ARHGAP21: variants seen among roughly 807,000 people sequenced by gnomAD.
ARHGAP21 encodes rho GTPase-activating protein 21.
A neutral mutation model predicts 164.6 loss-of-function variants in ARHGAP21; 38 were observed. That is an observed-to-expected ratio of 0.23 (90% CI 0.18 to 0.30). The LOEUF is 0.30. ARHGAP21 is among the 10% of genes least tolerant of loss of function. The probability of loss-of-function intolerance (pLI) is 1.00; values close to 1 mark genes in which losing one functional copy is unlikely to be tolerated. For synonymous variants in ARHGAP21, 766 were observed against 857.9 expected (o/e 0.89, Z 1.87); for missense variants, 1,822 against 2,370.7 (o/e 0.77, Z 4.81).
chr10:24,642,638 C>T (rs1269839479), intron 4 of ARHGAP21, among the ~76,000 whole-genome samples: 2 of 151,970 alleles, frequency 1.3e-5, no homozygotes, highest in African/African-American at 4.8e-5. Context: ...TTTTCATCTT[C>T]CTAAATACCT....
chr10:24,686,546 C>T (rs2131951549), intron 2 of ARHGAP21, among the ~76,000 whole-genome samples: 1 of 152,270 alleles, frequency 6.6e-6, no homozygotes, highest in Admixed American at 6.5e-5. Flanking sequence ...AAAGTCATGA[C>T]TGTGAACATT....
chr10:24,659,843 T>G (rs1839492762), intron 4 of ARHGAP21, among the ~76,000 whole-genome samples: 2 of 152,194 alleles, frequency 1.3e-5, no homozygotes, highest in African/African-American at 4.8e-5. Flanking sequence ...GGTAGAAACT[T>G]AGAGACTGCC....
intron 12 of ARHGAP21, among the ~76,000 whole-genome samples, 167 bp from the exon 13 acceptor site, chr10:24,602,270 T>A (rs971317295): frequency 2.0e-5 from 3 of 152,208 alleles, no homozygotes; most frequent in African/African-American, 7.2e-5. Context: ...ATTTAAAAAA[T>A]GTGAATTATC....
At chr10:24,629,728 G>A (rs566170054) in intron 7 of ARHGAP21, 2 of 471,904 alleles carry the variant, frequency 4.2e-6, no homozygotes, top group South Asian at 3.9e-5. Flanking sequence ...GGCAACACTA[G>A]GACAAACTCT....
chr10:24,620,980 C>G lies in ARHGAP21; in HGVS notation c.915G>C (p.Val305=). 1.2e-6 allele frequency: 2 copies of G among 1,613,976 alleles called. No individual in the cohort carries two copies. Among genetic ancestry groups the G allele is most frequent in the South Asian group, 2.2e-5 (2 of 91,070 alleles). The change falls in exon 9 of 26, where the codon GTG becomes GTC. Residue 305 remains valine, a synonymous_variant. Transcript: ENST00000396432. Reference sequence around the variant, plus strand: ...CTGTTTTTAAAGAGGTCTGCTCACTCACGCCATACCTCACTTCTTCAGTTC... The same window carrying G: ...CTGTTTTTAAAGAGGTCTGCTCACTGACGCCATACCTCACTTCTTCAGTTC... ...SHRTEEVRYG[V]SEQTSLKTVS...
At chr10:24,645,235 A>G (rs1055098294) in intron 4 of ARHGAP21, among the ~76,000 whole-genome samples, 16 of 152,092 alleles carry the variant, frequency 1.1e-4, no homozygotes, top group Non-Finnish European at 5.9e-5. Flanking sequence ...TCTGTTAACA[A>G]CCCAATGGAC....
chr10:24,655,948 G>A lies in ARHGAP21; in HGVS notation c.268+11037C>T, dbSNP rs1342255989. Among the ~76,000 whole-genome samples the A allele has an allele frequency of 2.3e-3, 245 of 106,430 alleles. 11 individuals are homozygous for A. Among genetic ancestry groups the A allele is most frequent in the African/African-American group, 9.6e-3 (229 of 23,804 alleles). The allele number at this position is 106,430 out of a possible 152,430, so 69.8% of individuals were successfully genotyped here. ...AGGAGCGTCTCTGCCCGGCCACCCCGTCTGAGAAGTGAGGAGACCCTCTGC... is the reference window on the plus strand; with the variant it reads ...AGGAGCGTCTCTGCCCGGCCACCCCATCTGAGAAGTGAGGAGACCCTCTGC... On this transcript the variant is annotated intron_variant, in intron 4 of 25. Coordinates refer to ENST00000396432, the MANE Select transcript of ARHGAP21 (RefSeq NM_020824.4).
chr10:24,658,546 A>C (rs192095178), intron 4 of ARHGAP21, among the ~76,000 whole-genome samples: 120 of 152,326 alleles, frequency 7.9e-4, no homozygotes, highest in African/African-American at 2.9e-3. Context: ...CGATGAAGCT[A>C]GAAACCATCA....
intron 4 of ARHGAP21, among the ~76,000 whole-genome samples, chr10:24,653,122 T>A (rs188703384): frequency 2.0e-5 from 3 of 152,296 alleles, no homozygotes; most frequent in Admixed American, 2.0e-4. Context: ...AGTGCAGGGT[T>A]CAATAAGTTT....
In ARHGAP21 at chr10:24,657,853, CATGCTCGT is replaced by C. The variant is rs555371783; in HGVS notation, c.268+9124_268+9131del. On this transcript the variant is annotated intron_variant, in intron 4 of 25. Coordinates refer to ENST00000396432, the MANE Select transcript of ARHGAP21 (RefSeq NM_020824.4). ...TTGTTAAACAGATGCTTGAAGGCAG[CATGCTCGT>C]TAAGAGTCATCACCAATCCCTAATC... 3.5e-3 allele frequency among the ~76,000 whole-genome samples: 455 copies of C among 128,714 alleles called. 1 individual carries two copies. The highest frequency in any genetic ancestry group is 5.9e-3 in the Non-Finnish European group (361 of 61,642). The allele number at this position is 128,714 out of a possible 152,430, so 84.4% of individuals were successfully genotyped here.
In ARHGAP21 at chr10:24,700,244, T is replaced by C. The variant is rs556381242; in HGVS notation, c.63+21593A>G. Among the ~76,000 whole-genome samples, 30 of 152,340 alleles carry C rather than the reference T, an allele frequency of 2.0e-4. 1 individual carries two copies. In the South Asian group the frequency reaches 2.7e-3, roughly 14 times the overall value. On this transcript the variant is annotated intron_variant, in intron 2 of 25. Transcript: ENST00000396432. ...TATTAGTGTCTCTGCTCATCCCATA[T>C]GCACCCTGCCCACCAGCAAGGTTTC...
rs905418985 is a variant in ARHGAP21, at chr10:24,584,057, CTG to C, written c.*353_*354del. On this transcript the variant is annotated 3_prime_UTR_variant, in exon 26 of 26. Transcript: ENST00000396432. ...AACAATATGGCACCCTAAAAACCAA[CTG>C]TATTTTTATGATGAGGCACTTTTGT... 5.2e-5 allele frequency: 8 copies of C among 153,378 alleles called. No homozygotes were observed. The highest frequency in any genetic ancestry group is 1.9e-4 in the African/African-American group (8 of 41,446). 9.5% of individuals were successfully genotyped at this position (153,378 alleles called of 1,614,324 possible).
At chr10:24,647,510 C>T (rs1258059246) in intron 4 of ARHGAP21, among the ~76,000 whole-genome samples, 1 of 152,190 alleles carries the variant, frequency 6.6e-6, no homozygotes, top group African/African-American at 2.4e-5. Flanking sequence ...AGTCAGAAAT[C>T]TGCTTTTCTT....
chr10:24,591,386 A>C (rs2076323504), intron 23 of ARHGAP21, 56 bp from the exon 24 acceptor site: 1 of 1,456,872 alleles, frequency 6.9e-7, no homozygotes, highest in African/African-American at 1.4e-5. Context: ...CTTTCTTTAA[A>C]ATTTAAACAA....
intron 2 of ARHGAP21, chr10:24,714,163 T>C (rs928803434): frequency 7.9e-5 from 12 of 152,162 alleles, no homozygotes; most frequent in African/African-American, 2.2e-4. Context: ...TAACAGAAAA[T>C]AGCTGCATTG....
At chr10:24,635,249 T>C (rs946551032) in intron 4 of ARHGAP21, 146 bp from the exon 5 acceptor site, 2 of 520,042 alleles carry the variant, frequency 3.8e-6, no homozygotes, top group East Asian at 6.2e-5. Context: ...AAAATTATAA[T>C]GTAGGGGTTT....
chr10:24,639,727 C>G (rs889763643), intron 4 of ARHGAP21, among the ~76,000 whole-genome samples: 2 of 152,114 alleles, frequency 1.3e-5, no homozygotes, highest in Non-Finnish European at 2.9e-5. Flanking sequence ...AACTATACAC[C>G]TGTCTTCAAA....
intron 9 of ARHGAP21, among the ~76,000 whole-genome samples, chr10:24,613,535 T>C (rs1483466870): frequency 1.3e-5 from 2 of 152,200 alleles, no homozygotes; most frequent in African/African-American, 2.4e-5. Flanking sequence ...GGAGATTTGG[T>C]TATCTTAATA....
chr10:24,665,843 T>C (rs770358170), intron 4 of ARHGAP21, among the ~76,000 whole-genome samples: 21 of 152,136 alleles, frequency 1.4e-4, no homozygotes, highest in Non-Finnish European at 3.1e-4. Context: ...TCAGTACTAG[T>C]AATAAAATAC....
Sources: allele counts gnomAD v4.1 joint callset (sites outside exome capture counted in the v4.1 genomes callset), GRCh38; gene constraint gnomAD v4.1.1; transcripts MANE v1.5; gene names NCBI Gene and HGNC (gene_info 2026-07-23, HGNC 2026-07-21).